Variants in DLG2 observed in about 807,000 individuals in gnomAD.
DLG2 encodes the protein discs large MAGUK scaffold protein 2.
DLG2 carries 45 observed loss-of-function variants against 132.5 expected under a neutral mutation model. The observed-to-expected ratio is 0.34, with a 90% CI of 0.27 to 0.44. DLG2 has a LOEUF of 0.44. Ranked by LOEUF, DLG2 falls within the 20% of genes least tolerant of loss-of-function variation. The pLI, the probability that DLG2 is intolerant of heterozygous loss-of-function variation, is 1.00. For synonymous variants in DLG2, 424 were observed against 419.6 expected, an observed-to-expected ratio of 1.01 and a Z score of -0.13; for missense variants, 1,045 against 1,196.9, an observed-to-expected ratio of 0.87 and a Z score of 1.87.
chr11:84,123,136 T>A (rs1302301868), intron 9 of DLG2, among the ~76,000 whole-genome samples: 1 of 152,210 alleles, frequency 6.6e-6, no homozygotes, highest in Non-Finnish European at 1.5e-5. Context: ...CCTCTGCTAC[T>A]TATTATATGT....
chr11:84,059,208 A>G (rs1474576411), intron 11 of DLG2, 107 bp downstream of exon 11: 1 of 1,077,446 alleles, frequency 9.3e-7, no homozygotes, highest in Admixed American at 2.3e-5. Context: ...TCTCTTGGTA[A>G]GCACTGAATG....
intron 6 of DLG2, among the ~76,000 whole-genome samples, chr11:84,653,273 T>C (rs973704686): frequency 6.6e-6 from 1 of 152,152 alleles, no homozygotes; most frequent in Non-Finnish European, 1.5e-5. Context: ...GATTCCAGAC[T>C]TGACAGATGT....
intron 15 of DLG2, among the ~76,000 whole-genome samples, chr11:83,924,110 C>CTGA (rs57807169): frequency 0.022 from 3,405 of 152,206 alleles, 35 homozygotes; most frequent in Middle Eastern, 0.1. Context: ...CCTAATCCTA[C>CTGA]TGATAAGCTC....
intron 7 of DLG2, among the ~76,000 whole-genome samples, chr11:84,334,221 G>A (rs1008849723): frequency 2.6e-5 from 4 of 152,180 alleles, no homozygotes; most frequent in African/African-American, 4.8e-5. Context: ...ATAAAGGAAA[G>A]CTATTGTCAA....
intron 6 of DLG2, among the ~76,000 whole-genome samples, chr11:85,082,855 G>A (rs1253461901): frequency 6.8e-6 from 1 of 146,146 alleles, no homozygotes; most frequent in Admixed American, 7.1e-5. Flanking sequence ...TCCAATGAAA[G>A]AAAGTTCAAA....
intron 7 of DLG2, among the ~76,000 whole-genome samples, chr11:84,444,801 CTT>C (rs555951100): frequency 8.3e-4 from 116 of 139,578 alleles, no homozygotes; most frequent in African/African-American, 2.5e-3. Flanking sequence ...TTATTGTATA[CTT>C]TTTTTTTTTT....
chr11:84,240,655 G>A (rs1225269038), intron 8 of DLG2, among the ~76,000 whole-genome samples: 1 of 152,156 alleles, frequency 6.6e-6, no homozygotes. Flanking sequence ...TAAAAGATGG[G>A]AATGGAGGAA....
At chr11:84,048,612 T>C (rs1197572990) in intron 11 of DLG2, among the ~76,000 whole-genome samples, 1 of 151,610 alleles carries the variant, frequency 6.6e-6, no homozygotes, top group African/African-American at 2.4e-5. Flanking sequence ...AACATAGTAA[T>C]TTACTCCATG....
chr11:83,467,694 G>A (rs1330908156), intron 25 of DLG2, among the ~76,000 whole-genome samples: 1 of 150,154 alleles, frequency 6.7e-6, no homozygotes. Context: ...AGGTTGCAGT[G>A]AGCTGAGACC....
chr11:84,269,182 T>C (rs1229786588), intron 7 of DLG2, among the ~76,000 whole-genome samples: 1 of 152,226 alleles, frequency 6.6e-6, no homozygotes, highest in Non-Finnish European at 1.5e-5. Context: ...TGTGTAACTG[T>C]TTATTTAATG....
At chr11:84,145,319 T>G (rs1239161154) in intron 9 of DLG2, among the ~76,000 whole-genome samples, 2 of 152,204 alleles carry the variant, frequency 1.3e-5, no homozygotes, top group African/African-American at 2.4e-5. Flanking sequence ...CAGAATGTAC[T>G]TAAGCAAACA....
At chr11:83,641,907 G>T (rs981185891) in intron 18 of DLG2, among the ~76,000 whole-genome samples, 2 of 151,914 alleles carry the variant, frequency 1.3e-5, no homozygotes, top group African/African-American at 2.4e-5. Context: ...GTGTTTGTGT[G>T]TGTGTGAGAG....
At chr11:85,275,203 A>C (rs1451600380) in intron 4 of DLG2, among the ~76,000 whole-genome samples, 4 of 152,164 alleles carry the variant, frequency 2.6e-5, no homozygotes, top group Non-Finnish European at 5.9e-5. Flanking sequence ...CAATGACTAG[A>C]GGTGCTAATT....
At chr11:85,232,651 T>C (rs1007753134) in intron 4 of DLG2, among the ~76,000 whole-genome samples, 1 of 151,904 alleles carries the variant, frequency 6.6e-6, no homozygotes, top group South Asian at 2.1e-4. Flanking sequence ...AGCAATTTAC[T>C]TTTCCTAATA....
chr11:85,143,796 A>C (rs1391654554), intron 5 of DLG2, among the ~76,000 whole-genome samples: 2 of 151,822 alleles, frequency 1.3e-5, no homozygotes, highest in Middle Eastern at 3.2e-3. Flanking sequence ...AAAGATATTT[A>C]ATATAATTTC....
intron 7 of DLG2, among the ~76,000 whole-genome samples, chr11:84,452,122 AAG>A (rs1054607506): frequency 1.3e-4 from 19 of 151,616 alleles, no homozygotes; most frequent in Admixed American, 1.3e-4. Flanking sequence ...CAAAAAAAAA[AAG>A]AAGGAAGAAG....
chr11:85,524,410 A>T (rs928317537), intron 3 of DLG2, among the ~76,000 whole-genome samples: 6 of 152,202 alleles, frequency 3.9e-5, no homozygotes, highest in African/African-American at 1.4e-4. Flanking sequence ...ATAAAAATAA[A>T]TAAAAATGAA....
In DLG2 at chr11:83,457,893, A is replaced by T. The variant is rs774201418; in HGVS notation, c.*1925T>A. The T allele has an allele frequency of 6.6e-6, 1 of 152,632 alleles. No homozygotes were observed. The highest frequency in any genetic ancestry group is 1.5e-5 in the Non-Finnish European group (1 of 68,034). The allele number at this position is 152,632 out of a possible 1,614,324, so 9.5% of individuals were successfully genotyped here. A position where few individuals can be genotyped will look rare whatever the true frequency, so the allele number is the denominator to read the frequency against. ...TTCCATTGGCAAAGGAAGCCTCAGG[A>T]CTATGGGAAGATGCATAATTTTGCA... is the stretch of plus-strand genomic sequence containing the variant. On this transcript the variant is annotated 3_prime_UTR_variant, in exon 28 of 28. Coordinates refer to ENST00000376104, the MANE Select transcript of DLG2 (RefSeq NM_001142699.3).
chr11:83,689,345 T>A (rs1029770319), intron 18 of DLG2, among the ~76,000 whole-genome samples: 1 of 152,138 alleles, frequency 6.6e-6, no homozygotes, highest in Non-Finnish European at 1.5e-5. Flanking sequence ...TGAAATTTTA[T>A]CCATTTAGCA....
Sources: allele counts gnomAD v4.1 joint callset (sites outside exome capture counted in the v4.1 genomes callset), GRCh38; gene constraint gnomAD v4.1.1; transcripts MANE v1.5; gene names NCBI Gene and HGNC (gene_info 2026-07-23, HGNC 2026-07-21).